Variants in DPYD observed in about 807,000 individuals in gnomAD.
DPYD encodes the protein dihydropyrimidine dehydrogenase.
A neutral mutation model predicts 116.2 loss-of-function variants in DPYD; 109 were observed. That is an observed-to-expected ratio of 0.94 (90% CI 0.80 to 1.10). The LOEUF is 1.10. Ranked by LOEUF, DPYD falls within the 50% of genes least tolerant of loss-of-function variation. The pLI, the probability that DPYD is intolerant of heterozygous loss-of-function variation, is 0.00. For missense variants in DPYD, 1,302 were observed against 1,254.5 expected, an observed-to-expected ratio of 1.04 and a Z score of -0.57; for synonymous variants, 440 against 432.0, an observed-to-expected ratio of 1.02 and a Z score of -0.23.
chr1:97,150,019 C>T (rs1315706229), intron 20 of DPYD, among the ~76,000 whole-genome samples: 2 of 152,258 alleles, frequency 1.3e-5, no homozygotes, highest in East Asian at 1.9e-4. Context: ...TACCATGTGG[C>T]GTTACTTCCT....
At chr1:97,732,976 TAAC>T (rs1448146027) in intron 4 of DPYD, among the ~76,000 whole-genome samples, 1 of 152,076 alleles carries the variant, frequency 6.6e-6, no homozygotes, top group Non-Finnish European at 1.5e-5. Context: ...TTTTAGTTAA[TAAC>T]AAAATATACT....
At chr1:97,529,920 TTC>T (rs796365856) in intron 12 of DPYD, among the ~76,000 whole-genome samples, 61 of 151,206 alleles carry the variant, frequency 4.0e-4, no homozygotes, top group African/African-American at 1.4e-3. Context: ...TTTCTTTTCT[TTC>T]TCTTTCTTTC....
At chr1:97,319,927 T>C (rs1243444263) in intron 16 of DPYD, among the ~76,000 whole-genome samples, 4 of 117,798 alleles carry the variant, frequency 3.4e-5, no homozygotes, top group African/African-American at 1.2e-4. Flanking sequence ...GCTGGTTCAA[T>C]ATACGCAAAT....
chr1:97,816,392 A>T (rs573145923), intron 3 of DPYD, among the ~76,000 whole-genome samples: 1 of 152,210 alleles, frequency 6.6e-6, no homozygotes, highest in Non-Finnish European at 1.5e-5. Context: ...ATTTTTAATA[A>T]AAGTAATTCT....
At chr1:97,405,128 A>C (rs1211346206) in intron 14 of DPYD, among the ~76,000 whole-genome samples, 2 of 152,078 alleles carry the variant, frequency 1.3e-5, no homozygotes, top group African/African-American at 4.8e-5. Context: ...CATTGGACTT[A>C]TATATAGGTA....
At chr1:97,244,557 T>C (rs1199813601) in intron 18 of DPYD, among the ~76,000 whole-genome samples, 1 of 152,016 alleles carries the variant, frequency 6.6e-6, no homozygotes, top group Non-Finnish European at 1.5e-5. Flanking sequence ...TATTTCCAAG[T>C]TGGTTTAGTT....
At chr1:97,422,192 T>A (rs1008805162) in intron 14 of DPYD, among the ~76,000 whole-genome samples, 5 of 152,178 alleles carry the variant, frequency 3.3e-5, no homozygotes, top group African/African-American at 1.2e-4. Flanking sequence ...ATTAAAATAT[T>A]AATATAGGTA....
chr1:97,215,222 T>C (rs1356415950), intron 19 of DPYD, among the ~76,000 whole-genome samples: 1 of 152,206 alleles, frequency 6.6e-6, no homozygotes, highest in Non-Finnish European at 1.5e-5. Flanking sequence ...GTATAAAATG[T>C]TCACACGTCT....
chr1:97,428,288 C>A (rs759622090), intron 14 of DPYD, among the ~76,000 whole-genome samples: 10 of 152,088 alleles, frequency 6.6e-5, no homozygotes, highest in Non-Finnish European at 1.2e-4. Context: ...TTTTAATGTG[C>A]TCCATGATTT....
chr1:97,521,444 G>A (rs1044436630), intron 12 of DPYD, among the ~76,000 whole-genome samples: 15 of 152,232 alleles, frequency 9.9e-5, no homozygotes, highest in African/African-American at 2.6e-4. Context: ...ACATTTCCAC[G>A]GATAGGAAGA....
chr1:97,173,953 C>T (rs1380344279), intron 20 of DPYD, among the ~76,000 whole-genome samples: 1 of 151,050 alleles, frequency 6.6e-6, no homozygotes, highest in Non-Finnish European at 1.5e-5. Flanking sequence ...ACAAAGTGTA[C>T]CCAGAGTGAA....
intron 13 of DPYD, among the ~76,000 whole-genome samples, chr1:97,513,184 A>T (rs771293440): frequency 5.3e-5 from 8 of 151,668 alleles, no homozygotes; most frequent in African/African-American, 1.7e-4. Context: ...TATAAAATAT[A>T]TATATATATA....
chr1:97,812,809 G>A lies in DPYD; in HGVS notation c.233+15305C>T, dbSNP rs141462774. The stretch of plus-strand genomic sequence containing the variant: ...TAATTATAGGTTTCAAAGAGTATAC[G>A]TTAGTATTGATATAGTCAAGAAACC... On this transcript the variant is annotated intron_variant, in intron 3 of 22. Coordinates refer to ENST00000370192, the MANE Select transcript of DPYD (RefSeq NM_000110.4). 8.5e-5 allele frequency among the ~76,000 whole-genome samples: 13 copies of A among 152,138 alleles called. No homozygotes were observed. The East Asian group carries it at 9.7e-4, about 11-fold the overall frequency.
intron 1 of DPYD, among the ~76,000 whole-genome samples, chr1:97,902,869 T>C (rs1309138528): frequency 2.0e-5 from 3 of 151,878 alleles, no homozygotes; most frequent in African/African-American, 7.2e-5. Context: ...TTCATTTCAA[T>C]CTAAATAACT....
intron 8 of DPYD, among the ~76,000 whole-genome samples, chr1:97,604,016 T>C (rs1337684874): frequency 6.6e-6 from 1 of 152,114 alleles, no homozygotes; most frequent in Non-Finnish European, 1.5e-5. Context: ...CCTTCAGAGC[T>C]CTGCAAAGTG....
intron 2 of DPYD, among the ~76,000 whole-genome samples, chr1:97,828,503 T>A (rs1423033514): frequency 1.3e-5 from 2 of 152,090 alleles, no homozygotes; most frequent in Non-Finnish European, 2.9e-5. Context: ...CTTCTTAAGT[T>A]TGGAGGAATA....
chr1:97,505,119 C>T (rs932510881), intron 13 of DPYD, among the ~76,000 whole-genome samples: 2 of 151,826 alleles, frequency 1.3e-5, no homozygotes, highest in African/African-American at 2.4e-5. Flanking sequence ...GGTGATAAAA[C>T]CAGTTTTGTC....
intron 1 of DPYD, among the ~76,000 whole-genome samples, chr1:97,912,787 T>C (rs1219073726): frequency 6.6e-6 from 1 of 152,148 alleles, no homozygotes; most frequent in African/African-American, 2.4e-5. Flanking sequence ...TAAGGGGAAC[T>C]GAATGCCTTT....
intron 6 of DPYD, among the ~76,000 whole-genome samples, chr1:97,694,044 T>C (rs1293316997): frequency 6.6e-6 from 1 of 152,196 alleles, no homozygotes; most frequent in Non-Finnish European, 1.5e-5. Flanking sequence ...AGTATAACTT[T>C]GAATGCAGAT....
Sources: allele counts gnomAD v4.1 joint callset (sites outside exome capture counted in the v4.1 genomes callset), GRCh38; gene constraint gnomAD v4.1.1; transcripts MANE v1.5; gene names NCBI Gene and HGNC (gene_info 2026-07-23, HGNC 2026-07-21).